The following DACH2 variants were observed in gnomAD, a reference collection of about 807,000 sequenced individuals.
DACH2 encodes the protein dachshund homolog 2.
In DACH2, 17 loss-of-function variants were observed where a neutral mutation model predicts 35.8. That is an observed-to-expected ratio of 0.48 (90% CI 0.33 to 0.71). DACH2 has a LOEUF of 0.71. Ranked by LOEUF, DACH2 falls within the 30% of genes least tolerant of loss-of-function variation. The probability of loss-of-function intolerance (pLI) is 0.02; values close to 1 mark genes in which losing one functional copy is unlikely to be tolerated. For synonymous variants in DACH2, 195 were observed against 177.3 expected (o/e 1.10, Z -0.79); for missense variants, 469 against 472.7 (o/e 0.99, Z 0.07).
intron 1 of DACH2, among the ~76,000 whole-genome samples, chrX:86,342,154 A>C (rs2148061846): frequency 9.0e-6 from 1 of 111,512 alleles, no homozygotes; most frequent in Admixed American, 9.6e-5. Flanking sequence ...ACAGGGAAAT[A>C]TTTTGAGAAA....
intron 1 of DACH2, among the ~76,000 whole-genome samples, chrX:86,291,738 C>T (rs1185899825): frequency 1.0e-4 from 9 of 86,234 alleles, no homozygotes; most frequent in African/African-American, 2.9e-4. Flanking sequence ...TATTGATTTT[C>T]GCATATTGAA....
chrX:86,719,695 G>A (rs2041378747), intron 6 of DACH2, among the ~76,000 whole-genome samples: 1 of 110,205 alleles, frequency 9.1e-6, no homozygotes, highest in South Asian at 3.8e-4. Flanking sequence ...CAGATCTCAT[G>A]AGACTCACTC....
intron 5 of DACH2, among the ~76,000 whole-genome samples, chrX:86,697,209 C>T (rs1017297694): frequency 1.8e-5 from 2 of 111,520 alleles, no homozygotes; most frequent in Non-Finnish European, 3.8e-5. Flanking sequence ...ATTTAACTAT[C>T]GCCACAGTAG....
At chrX:86,409,448 C>A (rs773804060) in intron 2 of DACH2, among the ~76,000 whole-genome samples, 24 of 111,021 alleles carry the variant, frequency 2.2e-4, no homozygotes, top group African/African-American at 7.5e-4. Flanking sequence ...GGTGGATGTC[C>A]CATGAATGGT....
At chrX:86,151,565 G>A (rs187105387) in intron 1 of DACH2, among the ~76,000 whole-genome samples, 186 of 110,820 alleles carry the variant, frequency 1.7e-3, no homozygotes, top group Non-Finnish European at 2.6e-3. Context: ...CACAATTTCC[G>A]GGAAAAATCT....
rs185418666 is a variant in DACH2, at chrX:86,363,818, C to A, written c.489-13006C>A. On this transcript the variant is annotated intron_variant, in intron 1 of 11. Transcript: ENST00000373125. The stretch of plus-strand genomic sequence containing the variant: ...ATGTTGAGCAGATGAAATGGATGAA[C>A]CATAATAGTATGTAAAGAAAATTTT... Among the ~76,000 whole-genome samples, 331 of 111,177 alleles carry A rather than the reference C, an allele frequency of 3.0e-3. 1 individual carries two copies. Among genetic ancestry groups the A allele is most frequent in the African/African-American group, 0.01 (313 of 30,735 alleles).
Position 86,443,992 on chromosome X carries a change from T to C in DACH2, c.527+67130T>C, listed in dbSNP as rs1040435911. 8.0e-5 allele frequency among the ~76,000 whole-genome samples: 9 copies of C among 112,060 alleles called. 1 individual carries two copies. The highest frequency in any genetic ancestry group is 3.6e-4 in the South Asian group (1 of 2,740). On this transcript the variant is annotated intron_variant, in intron 2 of 11. Coordinates refer to ENST00000373125, the MANE Select transcript of DACH2 (RefSeq NM_053281.3). ...GTGCTCTTCTCTGATTTTGGTATTA[T>C]GGTAATGCTGACCTTGTAGAGTGAT...
chrX:86,281,251 A>G (rs1242810121), intron 1 of DACH2, among the ~76,000 whole-genome samples: 1 of 111,599 alleles, frequency 9.0e-6, no homozygotes, highest in Non-Finnish European at 1.9e-5. Flanking sequence ...AAAATTCTCA[A>G]TAAAATACTG....
At chrX:86,421,820 T>C in intron 2 of DACH2, among the ~76,000 whole-genome samples, 1 of 111,273 alleles carries the variant, frequency 9.0e-6, no homozygotes, top group Non-Finnish European at 1.9e-5. Context: ...GGAAGAATTA[T>C]GCATATTTTG....
chrX:86,450,737 T>G (rs768073308), intron 2 of DACH2, among the ~76,000 whole-genome samples: 8 of 110,564 alleles, frequency 7.2e-5, no homozygotes, highest in Non-Finnish European at 1.5e-4. Flanking sequence ...AACCTTTTTT[T>G]TTTTCACTTT....
intron 1 of DACH2, among the ~76,000 whole-genome samples, chrX:86,215,393 T>A (rs2032545980): frequency 8.9e-6 from 1 of 111,847 alleles, no homozygotes; most frequent in Admixed American, 9.6e-5. Flanking sequence ...CAAGAGTTAG[T>A]TCATTTTCCA....
intron 3 of DACH2, among the ~76,000 whole-genome samples, chrX:86,623,594 A>G (rs2040093675): frequency 8.9e-6 from 1 of 111,888 alleles, no homozygotes; most frequent in African/African-American, 3.3e-5. Flanking sequence ...GTATCAAACC[A>G]CAAAACACTT....
intron 3 of DACH2, among the ~76,000 whole-genome samples, chrX:86,638,988 G>A (rs995008826): frequency 8.9e-6 from 1 of 112,127 alleles, no homozygotes; most frequent in African/African-American, 3.2e-5. Context: ...AGTCACGATA[G>A]CAAAGATATG....
At chrX:86,428,427 G>C (rs764494393) in intron 2 of DACH2, among the ~76,000 whole-genome samples, 2 of 111,658 alleles carry the variant, frequency 1.8e-5, no homozygotes, top group South Asian at 3.7e-4. Flanking sequence ...TGCTGCTTTG[G>C]TTTTTATTTT....
At chrX:86,510,637 A>C (rs2038383473) in intron 2 of DACH2, among the ~76,000 whole-genome samples, 2 of 111,331 alleles carry the variant, frequency 1.8e-5, no homozygotes, top group Admixed American at 9.6e-5. Context: ...TTTCCCTTTA[A>C]ATAACCTAGA....
intron 3 of DACH2, among the ~76,000 whole-genome samples, chrX:86,596,087 T>C (rs879153799): frequency 8.9e-6 from 1 of 112,290 alleles, no homozygotes; most frequent in Non-Finnish European, 1.9e-5. Context: ...CAGCAAGTAT[T>C]AGTTCCCATT....
At chrX:86,399,059 C>T (rs984501946) in intron 2 of DACH2, among the ~76,000 whole-genome samples, 1 of 111,722 alleles carries the variant, frequency 9.0e-6, no homozygotes, top group Admixed American at 9.5e-5. Flanking sequence ...CTTTATGAAT[C>T]TCGGTCCTCC....
At chrX:86,681,718 A>C (rs1207170712) in intron 4 of DACH2, among the ~76,000 whole-genome samples, 1 of 107,068 alleles carries the variant, frequency 9.3e-6, no homozygotes, top group Non-Finnish European at 1.9e-5. Context: ...TCTGAATTAG[A>C]TATATTTTCA....
intron 1 of DACH2, among the ~76,000 whole-genome samples, chrX:86,341,366 G>T (rs1294437098): frequency 3.6e-5 from 4 of 111,899 alleles, no homozygotes; most frequent in African/African-American, 9.7e-5. Flanking sequence ...AATGGCACAA[G>T]AAAACTTAGA....
Sources: allele counts gnomAD v4.1 joint callset (sites outside exome capture counted in the v4.1 genomes callset), GRCh38; gene constraint gnomAD v4.1.1; transcripts MANE v1.5; gene names NCBI Gene and HGNC (gene_info 2026-07-23, HGNC 2026-07-21).